Variants in VAPB observed in about 807,000 individuals in gnomAD.
VAPB encodes vesicle-associated membrane protein-associated protein B/C.
In VAPB, 7 loss-of-function variants were observed where a neutral mutation model predicts 25.6. The ratio of observed to expected loss-of-function variants is 0.27; its 90% CI spans 0.16 to 0.51. The LOEUF is 0.51. VAPB is among the 20% of genes least tolerant of loss of function. The pLI, the probability that VAPB is intolerant of heterozygous loss-of-function variation, is 0.97. For missense variants in VAPB, 266 were observed against 301.3 expected, an observed-to-expected ratio of 0.88 and a Z score of 0.87; for synonymous variants, 112 against 109.2, an observed-to-expected ratio of 1.03 and a Z score of -0.16.
At chr20:58,414,393 T>C (rs62205701) in intron 1 of VAPB, among the ~76,000 whole-genome samples, 5,835 of 128,058 alleles carry the variant, frequency 0.046, 149 homozygotes, top group Non-Finnish European at 0.059. Flanking sequence ...CCAGACGGGG[T>C]GGCCGCCGGG....
intron 2 of VAPB, among the ~76,000 whole-genome samples, chr20:58,420,540 A>G (rs1036953247): frequency 3.9e-5 from 6 of 152,184 alleles, no homozygotes; most frequent in African/African-American, 2.4e-5. Flanking sequence ...TCTTTCTGTC[A>G]TACTAAACTG....
intron 1 of VAPB, 49 bp from the exon 2 acceptor site, chr20:58,418,162 C>A (rs6026253): frequency 6.2e-7 from 1 of 1,613,182 alleles, no homozygotes; most frequent in Non-Finnish European, 8.5e-7. Context: ...CACAAACCTT[C>A]TAAACTTTCC....
rs1395385784 is a variant in VAPB at position 58,446,869 on chromosome 20, T to G, written c.*2634T>G. On this transcript the variant is annotated 3_prime_UTR_variant, in exon 6 of 6. Coordinates refer to ENST00000475243, the MANE Select transcript of VAPB (RefSeq NM_004738.5). ...GCGTGGCTCCTGGAGGACTTGGAGA[T>G]GCATGCACATTTAGGGTGTTTTCCC... 5 of 453,904 alleles carry G rather than the reference T, an allele frequency of 1.1e-5. No individual in the cohort carries two copies. The highest frequency in any genetic ancestry group is 2.4e-5 in the Admixed American group (1 of 42,548). The allele number at this position is 453,904 out of a possible 1,614,324, so 28.1% of individuals were successfully genotyped here. A position where few individuals can be genotyped will look rare whatever the true frequency, so the allele number is the denominator to read the frequency against.
intron 2 of VAPB, among the ~76,000 whole-genome samples, chr20:58,434,060 G>A (rs953557255): frequency 2.6e-5 from 4 of 152,244 alleles, no homozygotes; most frequent in South Asian, 4.1e-4. Flanking sequence ...AGCTGATACC[G>A]TTTTCCCTGC....
chr20:58,440,981 G>C lies in VAPB; in HGVS notation c.471G>C (p.Leu157=). 1 of 1,614,050 alleles carries C rather than the reference G, an allele frequency of 6.2e-7. No homozygotes were observed. Among genetic ancestry groups the C allele is most frequent in the East Asian group, 2.2e-5 (1 of 44,852 alleles). ...AAACACCAATAGTGTCTAAGTCTCT[G>C]AGTTCTTCTTTGGATGACACCGAAG... ...KTETPIVSKS[L]SSSLDDTEVK... The change falls in exon 5 of 6, where the codon CTG becomes CTC. Residue 157 remains leucine (L), a synonymous_variant. Transcript: ENST00000475243.
chr20:58,412,847 A>G (rs1160982221), intron 1 of VAPB, among the ~76,000 whole-genome samples: 1 of 152,194 alleles, frequency 6.6e-6, no homozygotes, highest in Non-Finnish European at 1.5e-5. Flanking sequence ...TAATTACAGA[A>G]AAGCATTTAA....
chr20:58,412,531 C>G (rs953232279), intron 1 of VAPB, among the ~76,000 whole-genome samples: 2 of 140,488 alleles, frequency 1.4e-5, no homozygotes, highest in African/African-American at 5.4e-5. Context: ...GAGCCAAGAT[C>G]GTGCCACTGC....
rs1336955800 is a variant in VAPB, at chr20:58,440,947, C to T, written c.437C>T (p.Ser146Leu). The T allele has an allele frequency of 6.2e-7, 1 of 1,613,958 alleles. No individual in the cohort carries two copies. Among genetic ancestry groups the T allele is most frequent in the South Asian group, 1.1e-5 (1 of 91,042 alleles). Residue 146 changes from serine (S) to leucine (L), a missense_variant, in exon 5 of 6, where the codon TCA becomes TTA. Ser to Leu is a moderately radical substitution (Grantham distance 145). Coordinates refer to ENST00000475243, the MANE Select transcript of VAPB (RefSeq NM_004738.5). ...EINKIISTTASKTETPIVSKS... is the reference protein window; with the variant it reads ...EINKIISTTALKTETPIVSKS... The stretch of plus-strand genomic sequence containing the variant: ...AATAAAATTATATCCACAACTGCAT[C>T]AAAGACAGAAACACCAATAGTGTCT...
intron 1 of VAPB, among the ~76,000 whole-genome samples, chr20:58,411,327 G>GC (rs2123044802): frequency 6.6e-6 from 1 of 152,264 alleles, no homozygotes; most frequent in Admixed American, 6.5e-5. Context: ...TGTCGCCCAG[G>GC]CTGAAGTGCA....
intron 2 of VAPB, among the ~76,000 whole-genome samples, chr20:58,424,886 A>G (rs1020760079): frequency 2.0e-5 from 3 of 152,256 alleles, no homozygotes; most frequent in African/African-American, 7.2e-5. Flanking sequence ...TGATTTATAA[A>G]TAAATGCAAT....
intron 1 of VAPB, among the ~76,000 whole-genome samples, chr20:58,393,328 G>C (rs1987855881): frequency 6.6e-6 from 1 of 152,164 alleles, no homozygotes; most frequent in African/African-American, 2.4e-5. Flanking sequence ...ACTGCATGCA[G>C]CCTAAGTGTG....
intron 2 of VAPB, among the ~76,000 whole-genome samples, chr20:58,422,837 G>T (rs2123066276): frequency 6.6e-6 from 1 of 152,262 alleles, no homozygotes; most frequent in East Asian, 1.9e-4. Context: ...TATGCACATT[G>T]GTTGCCTGTG....
Position 58,450,478 on chromosome 20 carries a change from T to G in VAPB, c.*6243T>G, listed in dbSNP as rs932686915. ...ACCGAGAGAAAAATGCAAAATATAT[T>G]TGGTTCTCATTTCTGTTGCTGTCGT... On this transcript the variant is annotated 3_prime_UTR_variant, in exon 6 of 6. Transcript: ENST00000475243. The G allele has an allele frequency of 6.6e-6, 3 of 453,942 alleles. No individual in the cohort carries two copies. Among genetic ancestry groups the G allele is most frequent in the African/African-American group, 6.0e-5 (3 of 49,988 alleles). The allele number at this position is 453,942 out of a possible 1,614,324, so 28.1% of individuals were successfully genotyped here.
chr20:58,430,250 CT>C (rs36004702), intron 2 of VAPB, among the ~76,000 whole-genome samples: 24 of 146,140 alleles, frequency 1.6e-4, no homozygotes, highest in Admixed American at 4.1e-4. Flanking sequence ...GCCAATTTTT[CT>C]TTTTTTTTTT....
chr20:58,442,029 G>T (rs1027876688), intron 5 of VAPB, among the ~76,000 whole-genome samples: 10 of 152,284 alleles, frequency 6.6e-5, no homozygotes, highest in African/African-American at 2.2e-4. Context: ...GGCAGGGGGT[G>T]CTTCTTTTGG....
intron 2 of VAPB, among the ~76,000 whole-genome samples, chr20:58,427,674 T>C (rs1482963956): frequency 6.6e-6 from 1 of 151,956 alleles, no homozygotes; most frequent in East Asian, 1.9e-4. Context: ...AAGTGATCTG[T>C]GATCTGTTAC....
chr20:58,423,045 T>C (rs970215311), intron 2 of VAPB, among the ~76,000 whole-genome samples: 4 of 152,198 alleles, frequency 2.6e-5, no homozygotes, highest in Non-Finnish European at 4.4e-5. Context: ...TAAGGAGCAG[T>C]ATTCATTCCT....
intron 2 of VAPB, among the ~76,000 whole-genome samples, chr20:58,427,969 T>C (rs1188924998): frequency 1.3e-5 from 2 of 150,430 alleles, no homozygotes; most frequent in African/African-American, 4.9e-5. Flanking sequence ...GAAAGTGATC[T>C]GTGATCTGTT....
chr20:58,391,696 C>G (rs1173104742), intron 1 of VAPB, among the ~76,000 whole-genome samples: 1 of 152,134 alleles, frequency 6.6e-6, no homozygotes, highest in African/African-American at 2.4e-5. Context: ...CTACGCCTGG[C>G]TAAATTTTGT....
Sources: gnomAD v4.1 joint callset for allele counts (sites outside exome capture counted in the v4.1 genomes callset) on GRCh38, gnomAD v4.1.1 for gene constraint, MANE v1.5 for transcripts, NCBI Gene and HGNC (gene_info 2026-07-23, HGNC 2026-07-21) for gene names.